PACS1: variants seen among roughly 807,000 people sequenced by gnomAD.
PACS1 encodes phosphofurin acidic cluster sorting protein 1, also known as PACS-1.
PACS1 carries 24 observed loss-of-function variants against 115.0 expected under a neutral mutation model. The observed-to-expected ratio is 0.21, with a 90% CI of 0.15 to 0.29. The LOEUF is 0.29. Among genes scored for constraint, PACS1 ranks in the 10% least tolerant of loss-of-function variants. The pLI is 1.00. For synonymous variants in PACS1, 453 were observed against 504.5 expected, an observed-to-expected ratio of 0.90 and a Z score of 1.37; for missense variants, 838 against 1,251.2, an observed-to-expected ratio of 0.67 and a Z score of 4.98.
intron 1 of PACS1, among the ~76,000 whole-genome samples, chr11:66,103,685 A>AT (rs1397839758): frequency 8.6e-5 from 13 of 150,600 alleles, no homozygotes; most frequent in East Asian, 7.8e-4. Context: ...TGATTTTTGT[A>AT]TTTTTTTTAG....
intron 7 of PACS1, chr11:66,216,989 G>C (rs1855228440): frequency 1.8e-6 from 1 of 546,814 alleles, no homozygotes; most frequent in African/African-American, 1.9e-5. Flanking sequence ...ATATCCTTCA[G>C]GTTATCGTCA....
At chr11:66,159,303 G>A (rs1444052882) in intron 1 of PACS1, among the ~76,000 whole-genome samples, 1 of 152,118 alleles carries the variant, frequency 6.6e-6, no homozygotes, top group Non-Finnish European at 1.5e-5. Context: ...TGGGCGTGGT[G>A]GCACATGCCT....
chr11:66,141,278 T>C (rs955090685), intron 1 of PACS1, among the ~76,000 whole-genome samples: 1 of 152,206 alleles, frequency 6.6e-6, no homozygotes, highest in African/African-American at 2.4e-5. Flanking sequence ...AGATTAAATA[T>C]ATTTATATGC....
At position 66,144,592 on chromosome 11, in the gene PACS1, T is replaced by C. The variant is rs146947099; in HGVS notation, c.357-48894T>C. ...TCCACTCTCAAGACCTAGAAATGCATGGTATAATAGCTTAGAAAGACAACT... is the reference window on the plus strand; with the variant it reads ...TCCACTCTCAAGACCTAGAAATGCACGGTATAATAGCTTAGAAAGACAACT... On this transcript the variant is annotated intron_variant, in intron 1 of 23. Coordinates refer to ENST00000320580, the MANE Select transcript of PACS1 (RefSeq NM_018026.4). Among the ~76,000 whole-genome samples, 150 of 152,366 alleles carry C rather than the reference T, an allele frequency of 9.8e-4. No homozygotes were observed. In the East Asian group the frequency reaches 0.014, roughly 15 times the overall value.
Position 66,108,142 on chromosome 11 carries a change from A to G in PACS1, c.356+37300A>G, listed in dbSNP as rs189263468. Among the ~76,000 whole-genome samples, 6 of 152,332 alleles carry G rather than the reference A, an allele frequency of 3.9e-5. No individual in the cohort carries two copies. In the East Asian group the frequency reaches 9.6e-4, roughly 24 times the overall value. ...CATAGAATGAGTGGCTTAAAAAGCA[A>G]ACATTTTCTCACAGTTCTGGAGACT... On this transcript the variant is annotated intron_variant, in intron 1 of 23. Transcript: ENST00000320580.
At chr11:66,157,424 A>G (rs570408018) in intron 1 of PACS1, among the ~76,000 whole-genome samples, 2 of 148,722 alleles carry the variant, frequency 1.3e-5, no homozygotes, top group Admixed American at 1.4e-4. Flanking sequence ...TTTCAGCCAC[A>G]TGTGGGCCAT....
chr11:66,212,172 G>A lies in PACS1; in HGVS notation c.660+913G>A, dbSNP rs372949463. Among the ~76,000 whole-genome samples the A allele has an allele frequency of 1.2e-4, 18 of 149,384 alleles. 1 individual carries two copies. The South Asian group carries it at 1.7e-3, about 14-fold the overall frequency. On this transcript the variant is annotated intron_variant, in intron 4 of 23. Transcript: ENST00000320580. Reference sequence around the variant, plus strand: ...TTTTGAGATGGAGTCTTGCTCTGTCGCCAGGCTGGAGTGCAGTGGCATGAT... The same window carrying A: ...TTTTGAGATGGAGTCTTGCTCTGTCACCAGGCTGGAGTGCAGTGGCATGAT...
chr11:66,078,607 T>C (rs967515749), intron 1 of PACS1, among the ~76,000 whole-genome samples: 1 of 152,236 alleles, frequency 6.6e-6, no homozygotes, highest in Non-Finnish European at 1.5e-5. Flanking sequence ...TGGAATGCAG[T>C]GGCATGAACA....
At chr11:66,135,659 CT>C (rs35040826) in intron 1 of PACS1, among the ~76,000 whole-genome samples, 222 of 138,292 alleles carry the variant, frequency 1.6e-3, no homozygotes, top group African/African-American at 3.5e-3. Context: ...CTCTCCTGCG[CT>C]TTTTTTTTTT....
intron 19 of PACS1, 155 bp from the exon 20 acceptor site, chr11:66,238,649 A>G: frequency 1.4e-6 from 1 of 711,130 alleles, no homozygotes; most frequent in Non-Finnish European, 2.4e-6. Flanking sequence ...TACAGGCATA[A>G]GCCACCACGC....
intron 2 of PACS1, among the ~76,000 whole-genome samples, chr11:66,202,726 G>GAAAAAAAAAA (rs55677222): frequency 1.8e-4 from 2 of 10,960 alleles, no homozygotes; most frequent in Admixed American, 1.8e-3. Context: ...TCATCTCTAG[G>GAAAAAAAAAA]AAAAAAAAAA....
At chr11:66,147,201 C>T (rs1859146303) in intron 1 of PACS1, among the ~76,000 whole-genome samples, 2 of 152,084 alleles carry the variant, frequency 1.3e-5, no homozygotes, top group Admixed American at 6.6e-5. Context: ...AATGGAATGA[C>T]ATATTCAAAG....
chr11:66,162,798 G>A (rs1209497162), intron 1 of PACS1, among the ~76,000 whole-genome samples: 1 of 152,180 alleles, frequency 6.6e-6, no homozygotes, highest in Non-Finnish European at 1.5e-5. Flanking sequence ...AGACTAATGC[G>A]TCTATTATGT....
intron 1 of PACS1, among the ~76,000 whole-genome samples, chr11:66,156,870 C>A (rs893220202): frequency 6.6e-6 from 1 of 150,744 alleles, no homozygotes; most frequent in Non-Finnish European, 1.5e-5. Context: ...AAAAAAAAAT[C>A]TTTCCATGGT....
At chr11:66,082,587 C>T (rs551272852) in intron 1 of PACS1, among the ~76,000 whole-genome samples, 9 of 152,162 alleles carry the variant, frequency 5.9e-5, no homozygotes, top group Non-Finnish European at 1.2e-4. Flanking sequence ...TCAGGCCGGG[C>T]GCTGTGGCTC....
At chr11:66,193,413 C>G in intron 1 of PACS1, 73 bp from the exon 2 acceptor site, 1 of 1,029,168 alleles carries the variant, frequency 9.7e-7, no homozygotes, top group Non-Finnish European at 1.5e-6. Flanking sequence ...AGGCAGATTG[C>G]CTAACCAATT....
intron 13 of PACS1, chr11:66,231,800 C>G (rs1162230231): frequency 2.6e-5 from 6 of 234,526 alleles, no homozygotes; most frequent in Non-Finnish European, 5.1e-5. Flanking sequence ...GTTTCTGTTT[C>G]TCTGAGCACC....
At chr11:66,128,852 C>A (rs1457465346) in intron 1 of PACS1, among the ~76,000 whole-genome samples, 5 of 151,108 alleles carry the variant, frequency 3.3e-5, no homozygotes, top group African/African-American at 1.2e-4. Context: ...CCACTGTACT[C>A]CATCCTGGGC....
intron 1 of PACS1, among the ~76,000 whole-genome samples, chr11:66,108,495 G>A (rs147217343): frequency 2.6e-4 from 40 of 152,274 alleles, no homozygotes; most frequent in African/African-American, 9.1e-4. Flanking sequence ...GGCCAAAGTG[G>A]GAGGATCGCT....
Sources: allele counts gnomAD v4.1 joint callset (sites outside exome capture counted in the v4.1 genomes callset), GRCh38; gene constraint gnomAD v4.1.1; transcripts MANE v1.5; gene names NCBI Gene and HGNC (gene_info 2026-07-23, HGNC 2026-07-21).